The following FOXM1 variants were observed in gnomAD, a reference collection of about 807,000 sequenced individuals.
FOXM1 encodes forkhead box protein M1.
FOXM1 carries 25 observed loss-of-function variants against 63.6 expected under a neutral mutation model. That is an observed-to-expected ratio of 0.39 (90% CI 0.29 to 0.55). The LOEUF is 0.55. Among genes scored for constraint, FOXM1 ranks in the 20% least tolerant of loss-of-function variants. FOXM1 has a pLI of 0.60. For missense variants in FOXM1, 879 were observed against 958.7 expected (o/e 0.92, Z 1.10); for synonymous variants, 387 against 376.9 (o/e 1.03, Z -0.31).
chr12:2,862,699 T>C (rs2098116064), intron 8 of FOXM1, among the ~76,000 whole-genome samples: 2 of 144,252 alleles, frequency 1.4e-5, no homozygotes, highest in African/African-American at 5.3e-5. Context: ...CCTGGCTAAT[T>C]AAAAAAAAAT....
At chr12:2,868,103 A>G (rs1413545040) in intron 4 of FOXM1, 1 of 152,778 alleles carries the variant, frequency 6.5e-6, no homozygotes, top group East Asian at 1.9e-4. Context: ...TGCGTGAGCT[A>G]TGTTGACTCA....
chr12:2,861,353 T>C (rs760657664), intron 8 of FOXM1: 4 of 737,764 alleles, frequency 5.4e-6, no homozygotes, highest in Non-Finnish European at 9.9e-6. Context: ...TACCAAAATC[T>C]CGCAGATCGC....
Position 2,864,376 on chromosome 12 carries a change from A to G in FOXM1, c.1210T>C (p.Ser404Pro), listed in dbSNP as rs1214014267. 1.2e-6 allele frequency: 2 copies of G among 1,614,038 alleles called. No homozygotes were observed. Among genetic ancestry groups the G allele is most frequent in the Admixed American group, 1.7e-5 (1 of 60,012 alleles). Reference sequence around the variant, plus strand: ...CGGGCAAGCTCTGAGCTCATGAGGGAAGCCGCCAGGGGCAATGGCACCTTC... The same window carrying G: ...CGGGCAAGCTCTGAGCTCATGAGGGGAGCCGCCAGGGGCAATGGCACCTTC... ...SVKVPLPLAA[S>P]LMSSELARHS... The change falls in exon 8 of 9, where the codon TCC (serine) becomes CCC (proline). Residue 404 changes from serine to proline, a missense_variant. Transcript: ENST00000359843. This position sits in a 1 kb window ranked among gnomAD's most constrained non-coding sequence, Gnocchi z 5.1.
At position 2,859,144 on chromosome 12, in the gene FOXM1, C is replaced by T. The variant is rs1464991002; in HGVS notation, c.1786G>A (p.Gly596Arg). ...TCCTTAATGGGTGTCTTAAAAGGTC[C>T]TCCCACTTCCTGGGAGTAGCTGAGC... ...SQLSYSQEVGGPFKTPIKETL... is the reference protein window; with the variant it reads ...SQLSYSQEVGRPFKTPIKETL... The change falls in exon 9 of 9, where the codon GGA becomes AGA. Residue 596 changes from glycine to arginine, a missense_variant. Gly to Arg is a moderately radical substitution (Grantham distance 125). Transcript: ENST00000359843. The T allele has an allele frequency of 1.2e-6, 2 of 1,606,120 alleles. No individual in the cohort carries two copies. The highest frequency in any genetic ancestry group is 2.2e-5 in the East Asian group (1 of 44,734).
rs1007002099 is a variant in FOXM1, at chr12:2,857,855, C to T, written c.*783G>A. On this transcript the variant is annotated 3_prime_UTR_variant, in exon 9 of 9. Transcript: ENST00000359843. ...CCTCCACCTGAGTTCTCGTCAATGC[C>T]AGTCTCCCTGGTATGATTGGGGACA... The T allele has an allele frequency of 1.3e-5, 2 of 152,358 alleles. No homozygotes were observed. Among genetic ancestry groups the T allele is most frequent in the Non-Finnish European group, 2.9e-5 (2 of 68,144 alleles). 9.4% of individuals were successfully genotyped at this position (152,358 alleles called of 1,614,324 possible). A position where few individuals can be genotyped will look rare whatever the true frequency, so the allele number is the denominator to read the frequency against.
chr12:2,869,305 T>G (rs2098128819), intron 3 of FOXM1, among the ~76,000 whole-genome samples: 1 of 152,178 alleles, frequency 6.6e-6, no homozygotes, highest in Non-Finnish European at 1.5e-5. Flanking sequence ...GGTCTCACTG[T>G]GTCACCCAGG....
At chr12:2,860,130 A>G (rs372410261) in intron 8 of FOXM1, among the ~76,000 whole-genome samples, 28 of 152,306 alleles carry the variant, frequency 1.8e-4, no homozygotes, top group African/African-American at 5.8e-4. Context: ...CTTAACCAAG[A>G]CTGGAAACCC....
At position 2,875,239 on chromosome 12, in the gene FOXM1, C is replaced by T. The variant is rs534710099; in HGVS notation, c.-47-714G>A. Among the ~76,000 whole-genome samples the T allele has an allele frequency of 3.3e-5, 5 of 152,262 alleles. No homozygotes were observed. In the East Asian group the frequency reaches 9.7e-4, roughly 29 times the overall value. ...AACTCCTGACCTCAGGTCATCTGCC[C>T]GCCTCGGCCTCCCAAAGTGCTGGGA... On this transcript the variant is annotated intron_variant, in intron 1 of 8. Transcript: ENST00000359843.
At chr12:2,865,420 T>C in intron 5 of FOXM1, 21 bp from the exon 6 acceptor site, 2 of 1,607,314 alleles carry the variant, frequency 1.2e-6, no homozygotes, top group Non-Finnish European at 8.5e-7. Flanking sequence ...CCAGGCATTG[T>C]GGGAGAGAAA....
intron 1 of FOXM1, 48 bp downstream of exon 1, chr12:2,876,872 G>A (rs2098145736): frequency 1.3e-5 from 2 of 152,746 alleles, no homozygotes; most frequent in Non-Finnish European, 2.9e-5. Context: ...CTTGCTCCCC[G>A]CCTGTGCCCA....
chr12:2,865,813 C>T (rs1275740911), intron 5 of FOXM1, among the ~76,000 whole-genome samples: 2 of 152,050 alleles, frequency 1.3e-5, no homozygotes, highest in East Asian at 3.9e-4. Context: ...CCACCACACC[C>T]AGCTAATTTT....
chr12:2,861,483 A>T, intron 8 of FOXM1: 1 of 477,350 alleles, frequency 2.1e-6, no homozygotes, highest in Non-Finnish European at 3.6e-6. Context: ...TAACCTATAC[A>T]TATTAGATTG....
In FOXM1 at chr12:2,858,923, G is replaced by C. The variant is rs150443540; in HGVS notation, c.2007C>G (p.Pro669=). The change falls in exon 9 of 9, where the codon CCC becomes CCG. Residue 669 remains proline (P), a synonymous_variant. Coordinates refer to ENST00000359843, the MANE Select transcript of FOXM1 (RefSeq NM_021953.4). ...LSTTPLQSAP[P]LESPQRLLSS... is the part of the protein sequence containing the mutation. Reference sequence around the variant, plus strand: ...TGAGGAGCCTTTGCGGTGATTCAAGGGGGGGAGCACTTTGCAAGGGAGTGG... The same window carrying C: ...TGAGGAGCCTTTGCGGTGATTCAAGCGGGGGAGCACTTTGCAAGGGAGTGG... The C allele has an allele frequency of 5.9e-4, 945 of 1,613,812 alleles. 11 individuals are homozygous for C. In the South Asian group the frequency reaches 6.6e-3, roughly 11 times the overall value.
rs556937133 is a variant in FOXM1, at chr12:2,874,988, ATTTTTTT to A, written c.-47-470_-47-464del. Among the ~76,000 whole-genome samples, 1 of 127,164 alleles carries A rather than the reference ATTTTTTT, an allele frequency of 7.9e-6. No individual in the cohort carries two copies. Among genetic ancestry groups the A allele is most frequent in the African/African-American group, 3.0e-5 (1 of 33,060 alleles). 83.4% of individuals were successfully genotyped at this position (127,164 alleles called of 152,430 possible). On this transcript the variant is annotated intron_variant, in intron 1 of 8. Coordinates refer to ENST00000359843, the MANE Select transcript of FOXM1 (RefSeq NM_021953.4). The surrounding 1 kb of genome is among the most constrained non-coding windows in gnomAD (Gnocchi z 4.3). ...AATCCATTCAAGACAAAGGATTTTA[ATTTTTTT>A]TTTTTTTTTTTTTTTGAGACAGAGT...
intron 5 of FOXM1, among the ~76,000 whole-genome samples, chr12:2,866,132 T>G (rs1029349400): frequency 2.6e-5 from 4 of 152,294 alleles, no homozygotes; most frequent in East Asian, 1.9e-4. Flanking sequence ...ACAGGGAAGT[T>G]AGGAAAACAC....
Position 2,868,621 on chromosome 12 carries a change from T to C in FOXM1, c.788A>G (p.Tyr263Cys), listed in dbSNP as rs1329420938. Residue 263 changes from tyrosine to cysteine, a missense_variant, in exon 4 of 9, where the codon TAT becomes TGT. Physicochemically the swap from Tyr to Cys is radical, Grantham distance 194 (BLOSUM62 -2). Coordinates refer to ENST00000359843, the MANE Select transcript of FOXM1 (RefSeq NM_021953.4). The part of the protein sequence containing the change: ...ERKRMTLKDI[Y>C]TWIEDHFPYF... ...GGGAAAGTGGTCCTCAATCCACGTATAGATGTCTTTCAAAGTCATGCGCTT... is the reference window on the plus strand; with the variant it reads ...GGGAAAGTGGTCCTCAATCCACGTACAGATGTCTTTCAAAGTCATGCGCTT... 1 of 1,614,004 alleles carries C rather than the reference T, an allele frequency of 6.2e-7. No homozygotes were observed. The highest frequency in any genetic ancestry group is 2.2e-5 in the East Asian group (1 of 44,870).
chr12:2,874,598 C>A lies in FOXM1; in HGVS notation c.-47-73G>T. The stretch of plus-strand genomic sequence containing the variant: ...GAAGAGGTCCTTTTAGAGAAAGGTG[C>A]TCCTCTTTATATGACCAGGAACATG... On this transcript the variant is annotated intron_variant, in intron 1 of 8. Coordinates refer to ENST00000359843, the MANE Select transcript of FOXM1 (RefSeq NM_021953.4). The surrounding 1 kb of genome is among the most constrained non-coding windows in gnomAD (Gnocchi z 4.3). 2 of 1,059,796 alleles carry A rather than the reference C, an allele frequency of 1.9e-6. No individual in the cohort carries two copies. Among genetic ancestry groups the A allele is most frequent in the East Asian group, 2.4e-5 (1 of 42,134 alleles). 65.6% of individuals were successfully genotyped at this position (1,059,796 alleles called of 1,614,324 possible).
Position 2,864,184 on chromosome 12 carries a change from C to G in FOXM1, c.1266+136G>C. 1.3e-6 allele frequency: 1 copy of G among 766,194 alleles called. No homozygotes were observed. The highest frequency in any genetic ancestry group is 2.1e-6 in the Non-Finnish European group (1 of 465,124). The allele number at this position is 766,194 out of a possible 1,614,324, so 47.5% of individuals were successfully genotyped here. On this transcript the variant is annotated intron_variant, in intron 8 of 8. Coordinates refer to ENST00000359843, the MANE Select transcript of FOXM1 (RefSeq NM_021953.4). The surrounding 1 kb of genome is among the most constrained non-coding windows in gnomAD (Gnocchi z 5.1). ...AGCTCTTCTAATGCTATTACACTTC[C>G]CTATGTTTTTATGCCTTTTCTACCC...
chr12:2,866,259 G>T, intron 5 of FOXM1, 134 bp downstream of exon 5: 1 of 834,506 alleles, frequency 1.2e-6, no homozygotes, highest in South Asian at 3.2e-5. Flanking sequence ...TTTTGTGCAA[G>T]TCACTAATTG....
Sources: gnomAD v4.1 joint callset for allele counts (sites outside exome capture counted in the v4.1 genomes callset) on GRCh38, gnomAD v4.1.1 for gene constraint, Gnocchi (gnomAD v3.1) non-coding constraint, MANE v1.5 for transcripts, NCBI Gene and HGNC (gene_info 2026-07-23, HGNC 2026-07-21) for gene names.